Variants in SLC24A4 observed in about 807,000 individuals in gnomAD.
SLC24A4 encodes the protein solute carrier family 24 member 4.
SLC24A4 carries 53 observed loss-of-function variants against 79.0 expected under a neutral mutation model. The ratio of observed to expected loss-of-function variants is 0.67; its 90% CI spans 0.54 to 0.84. SLC24A4 has a LOEUF of 0.84. Ranked by LOEUF, SLC24A4 falls within the 40% of genes least tolerant of loss-of-function variation. The pLI is 0.00. For missense variants in SLC24A4, 731 were observed against 822.0 expected (o/e 0.89, Z 1.35); for synonymous variants, 323 against 323.8 (o/e 1.00, Z 0.03).
intron 13 of SLC24A4, chr14:92,484,433 T>A: frequency 3.0e-6 from 3 of 985,316 alleles, no homozygotes; most frequent in Non-Finnish European, 3.6e-6. Context: ...TTTCTTCTGG[T>A]ACCTGCTTAG....
chr14:92,324,085 C>T (rs1884968042), intron 1 of SLC24A4, 125 bp downstream of exon 1: 1 of 1,309,186 alleles, frequency 7.6e-7, no homozygotes, highest in Non-Finnish European at 1.0e-6. Flanking sequence ...TCATCCAGTC[C>T]CCTCCCCGCC....
At chr14:92,413,203 A>G (rs1328829433) in intron 2 of SLC24A4, among the ~76,000 whole-genome samples, 6 of 152,104 alleles carry the variant, frequency 3.9e-5, no homozygotes, top group African/African-American at 1.4e-4. Context: ...CTGCTCTCCA[A>G]TAAGGAGAGT....
chr14:92,438,807 C>T (rs1892325403), intron 3 of SLC24A4, among the ~76,000 whole-genome samples: 1 of 152,166 alleles, frequency 6.6e-6, no homozygotes, highest in Non-Finnish European at 1.5e-5. Context: ...TGACTGATTA[C>T]ATCATTGGCC....
In SLC24A4 at chr14:92,454,067, G is replaced by A; in HGVS notation, c.1048G>A (p.Glu350Lys). 1 of 1,612,428 alleles carries A rather than the reference G, an allele frequency of 6.2e-7. No homozygotes were observed. Among genetic ancestry groups the A allele is most frequent in the Non-Finnish European group, 8.5e-7 (1 of 1,179,228 alleles). ...GATGGCCAGCAGGATCATCATTAATGAGGTGAGTTTGCTTGAAGGACCATA... is the reference window on the plus strand; with the variant it reads ...GATGGCCAGCAGGATCATCATTAATAAGGTGAGTTTGCTTGAAGGACCATA... Reference protein sequence around the residue: ...LRMASRIIINERQRLINSANG... With the variant: ...LRMASRIIINKRQRLINSANG... The change falls in exon 11 of 17, where the codon GAG (glutamate) becomes AAG (lysine). Residue 350 changes from glutamate to lysine, a missense_variant and splice_region_variant. By Grantham distance (56) the Glu-to-Lys change is moderately conservative (BLOSUM62 1). Coordinates refer to ENST00000532405, the MANE Select transcript of SLC24A4 (RefSeq NM_153646.4).
intron 2 of SLC24A4, among the ~76,000 whole-genome samples, chr14:92,381,604 C>T (rs919541856): frequency 2.0e-5 from 3 of 151,848 alleles, no homozygotes; most frequent in African/African-American, 7.3e-5. Flanking sequence ...ACTTAAAGTA[C>T]AATTTAAAAA....
intron 2 of SLC24A4, among the ~76,000 whole-genome samples, chr14:92,427,986 T>TGGCCCTCACCAGACACC (rs1198512460): frequency 6.6e-6 from 1 of 152,196 alleles, no homozygotes; most frequent in East Asian, 1.9e-4. Context: ...ACCAGGACAC[T>TGGCCCTCACCAGACACC]GGCCCTCACC....
intron 2 of SLC24A4, among the ~76,000 whole-genome samples, chr14:92,373,367 A>G (rs1012435670): frequency 4.6e-5 from 7 of 152,100 alleles, no homozygotes; most frequent in African/African-American, 1.7e-4. Context: ...TCTAAGAAAA[A>G]TGGAGGCCCC....
chr14:92,383,552 C>T (rs1888969358), intron 2 of SLC24A4, among the ~76,000 whole-genome samples: 1 of 152,204 alleles, frequency 6.6e-6, no homozygotes. Context: ...ATTGTGACCA[C>T]TGCACTTAAA....
intron 12 of SLC24A4, among the ~76,000 whole-genome samples, chr14:92,470,129 G>A (rs2402150): frequency 2.0e-5 from 3 of 152,160 alleles, no homozygotes; most frequent in Admixed American, 6.5e-5. Context: ...GTGGTCCTAG[G>A]ACTGTCAGCA....
At chr14:92,390,179 T>C (rs891873734) in intron 2 of SLC24A4, among the ~76,000 whole-genome samples, 2 of 151,994 alleles carry the variant, frequency 1.3e-5, no homozygotes, top group African/African-American at 4.8e-5. Flanking sequence ...AGCCCAGTCG[T>C]CCCTGCTGCT....
At position 92,494,113 on chromosome 14, in the gene SLC24A4, T is replaced by G; in HGVS notation, c.*485T>G. The G allele has an allele frequency of 6.4e-6, 1 of 155,380 alleles. No homozygotes were observed. Among genetic ancestry groups the G allele is most frequent in the Admixed American group, 6.3e-5 (1 of 15,858 alleles). The allele number at this position is 155,380 out of a possible 1,614,324, so 9.6% of individuals were successfully genotyped here. On this transcript the variant is annotated 3_prime_UTR_variant, in exon 17 of 17. Transcript: ENST00000532405. This position sits in a 1 kb window ranked among gnomAD's most constrained non-coding sequence, Gnocchi z 4.6. ...GCATGTGCTCCTGGGAGCCTCTGAC[T>G]TTTGCTGGAAGCAGCCACAGTTTGG...
intron 2 of SLC24A4, among the ~76,000 whole-genome samples, chr14:92,394,810 T>G (rs56242520): frequency 0.028 from 4,319 of 152,298 alleles, 196 homozygotes; most frequent in East Asian, 0.19. Flanking sequence ...ATCAGCAGTA[T>G]CATTTGTGCG....
intron 12 of SLC24A4, among the ~76,000 whole-genome samples, chr14:92,474,863 A>ATATATATATATATATATATATATTT (rs36185636): frequency 7.0e-5 from 4 of 57,116 alleles, no homozygotes; most frequent in African/African-American, 1.9e-4. Context: ...ATATATATAT[A>ATATATATATATATATATATATATTT]TTTTTTTTTT....
At chr14:92,473,016 C>T (rs1357705581) in intron 12 of SLC24A4, among the ~76,000 whole-genome samples, 1 of 152,218 alleles carries the variant, frequency 6.6e-6, no homozygotes, top group African/African-American at 2.4e-5. Context: ...TCCTCCTCAC[C>T]AGCACTGGTG....
chr14:92,352,280 A>C (rs1397490008), intron 2 of SLC24A4, among the ~76,000 whole-genome samples: 2 of 152,176 alleles, frequency 1.3e-5, no homozygotes, highest in Admixed American at 6.5e-5. Context: ...GTTTAACTTG[A>C]GATACATTAG....
Position 92,493,583 on chromosome 14 carries a change from C to A in SLC24A4, c.1824C>A (p.Asn608Lys). Reference sequence around the variant, plus strand: ...GCTTCTCCATAATGATAGAGTTTAACGTCTTTACCTTCGTCAACTTGCCGA... The same window carrying A: ...GCTTCTCCATAATGATAGAGTTTAAAGTCTTTACCTTCGTCAACTTGCCGA... ...FLCFSIMIEFNVFTFVNLPMC... is the reference protein window; with the variant it reads ...FLCFSIMIEFKVFTFVNLPMC... The change falls in exon 17 of 17, where the codon AAC (asparagine) becomes AAA (lysine). Residue 608 changes from asparagine to lysine, a missense_variant. Asn to Lys is a moderately conservative substitution (Grantham distance 94, BLOSUM62 0). Transcript: ENST00000532405. The A allele has an allele frequency of 6.2e-7, 1 of 1,614,178 alleles. No individual in the cohort carries two copies. Among genetic ancestry groups the A allele is most frequent in the Non-Finnish European group, 8.5e-7 (1 of 1,180,034 alleles).
intron 12 of SLC24A4, among the ~76,000 whole-genome samples, chr14:92,471,981 G>C (rs1894460972): frequency 6.6e-6 from 1 of 152,172 alleles, no homozygotes; most frequent in Admixed American, 6.5e-5. Context: ...CTGTATTCTT[G>C]ATGCTCTGGC....
At chr14:92,425,258 G>A (rs1007491421) in intron 2 of SLC24A4, among the ~76,000 whole-genome samples, 8 of 152,226 alleles carry the variant, frequency 5.3e-5, no homozygotes, top group African/African-American at 1.9e-4. Context: ...AATTTCCATT[G>A]TTGATGACAT....
At chr14:92,395,142 T>C (rs540673733) in intron 2 of SLC24A4, among the ~76,000 whole-genome samples, 1 of 152,298 alleles carries the variant, frequency 6.6e-6, no homozygotes, top group South Asian at 2.1e-4. Flanking sequence ...TCATCTTATT[T>C]TCTTTAGAAG....
Sources: allele counts gnomAD v4.1 joint callset (sites outside exome capture counted in the v4.1 genomes callset), GRCh38; gene constraint gnomAD v4.1.1; non-coding constraint Gnocchi (gnomAD v3.1); transcripts MANE v1.5; gene names NCBI Gene and HGNC (gene_info 2026-07-23, HGNC 2026-07-21).